Variants in AGK observed in about 807,000 individuals in gnomAD.
The protein encoded by AGK is acylglycerol kinase, mitochondrial.
A neutral mutation model predicts 66.4 loss-of-function variants in AGK; 52 were observed. The observed-to-expected ratio is 0.78, with a 90% CI of 0.63 to 0.99. AGK has a LOEUF of 0.99. AGK is among the 50% of genes least tolerant of loss of function. The pLI is 0.00. For missense variants in AGK, 451 were observed against 506.6 expected, an observed-to-expected ratio of 0.89 and a Z score of 1.05; for synonymous variants, 182 against 181.1, an observed-to-expected ratio of 1.00 and a Z score of -0.04.
chr7:141,642,683 T>A (rs1442783417), intron 13 of AGK, among the ~76,000 whole-genome samples: 1 of 152,190 alleles, frequency 6.6e-6, no homozygotes, highest in Non-Finnish European at 1.5e-5. Flanking sequence ...TAATTTTAAA[T>A]GATGCAAAGA....
Position 141,615,467 on chromosome 7 carries a change from C to T in AGK, c.424-4C>T, listed in dbSNP as rs113085050. On this transcript the variant is annotated splice_polypyrimidine_tract_variant and splice_region_variant and intron_variant, in intron 7 of 15. Coordinates refer to ENST00000649286, the MANE Select transcript of AGK (RefSeq NM_018238.4). ...TAAAACTTTCCTCTTCTTTCCCCCC[C>T]CAGGCTACCTTCAGTAAGATTCCCA... The T allele has an allele frequency of 3.6e-5, 58 of 1,612,594 alleles. No homozygotes were observed. Among genetic ancestry groups the T allele is most frequent in the Admixed American group, 1.3e-4 (8 of 59,982 alleles).
At chr7:141,624,207 G>A (rs982024639) in intron 9 of AGK, among the ~76,000 whole-genome samples, 5 of 151,960 alleles carry the variant, frequency 3.3e-5, no homozygotes, top group African/African-American at 1.2e-4. Context: ...CATGGATCAA[G>A]GAATAATTTC....
chr7:141,644,192 T>C (rs1489781678), intron 13 of AGK, among the ~76,000 whole-genome samples: 1 of 152,188 alleles, frequency 6.6e-6, no homozygotes. Context: ...TAATAATATG[T>C]ATTCCGAGTA....
rs142489126 is a variant in AGK, at chr7:141,599,890, T to C, written c.222-1315T>C. Among the ~76,000 whole-genome samples, 329 of 152,308 alleles carry C rather than the reference T, an allele frequency of 2.2e-3. 3 individuals carry two copies. Among genetic ancestry groups the C allele is most frequent in the African/African-American group, 7.2e-3 (300 of 41,588 alleles). The stretch of plus-strand genomic sequence containing the variant: ...CAGGCCCTTGGTTTGAGATATTCTT[T>C]TGGATGGTTCTTGTGAAAATTTGTG... On this transcript the variant is annotated intron_variant, in intron 4 of 15. Transcript: ENST00000649286.
intron 2 of AGK, among the ~76,000 whole-genome samples, chr7:141,560,415 CT>C (rs1038387274): frequency 2.0e-4 from 30 of 147,238 alleles, no homozygotes; most frequent in African/African-American, 4.5e-4. Context: ...TCTTCTTCTT[CT>C]TTTTTTTTTC....
In AGK at chr7:141,654,447, A is replaced by G. The variant is rs1797640698; in HGVS notation, c.*1523A>G. Reference sequence around the variant, plus strand: ...TTTGGATTCCTTTGGCATTTTGACAAAGATCACAGTGCTCTATCATCAAGA... The same window carrying G: ...TTTGGATTCCTTTGGCATTTTGACAGAGATCACAGTGCTCTATCATCAAGA... On this transcript the variant is annotated 3_prime_UTR_variant, in exon 16 of 16. Coordinates refer to ENST00000649286, the MANE Select transcript of AGK (RefSeq NM_018238.4). The G allele has an allele frequency of 6.6e-6, 1 of 152,210 alleles. No homozygotes were observed. Among genetic ancestry groups the G allele is most frequent in the Non-Finnish European group, 1.5e-5 (1 of 68,032 alleles). 9.4% of individuals were successfully genotyped at this position (152,210 alleles called of 1,614,324 possible).
chr7:141,604,908 G>T (rs1268021111), intron 5 of AGK, among the ~76,000 whole-genome samples: 2 of 151,674 alleles, frequency 1.3e-5, no homozygotes, highest in African/African-American at 2.4e-5. Flanking sequence ...TCCAATCTGG[G>T]ATCACATATT....
rs186493455 is a variant in AGK, at chr7:141,568,383, C to T, written c.101+12816C>T. ...GCTCTTCCCAGCTCTGGTCTGTCTC[C>T]GCATGATTTTGGCTGGTGAGCTTTG... On this transcript the variant is annotated intron_variant, in intron 2 of 15. Coordinates refer to ENST00000649286, the MANE Select transcript of AGK (RefSeq NM_018238.4). Among the ~76,000 whole-genome samples, 342 of 152,230 alleles carry T rather than the reference C, an allele frequency of 2.2e-3. 1 individual carries two copies. The highest frequency in any genetic ancestry group is 7.8e-3 in the African/African-American group (326 of 41,534).
intron 8 of AGK, among the ~76,000 whole-genome samples, chr7:141,616,978 C>T (rs1370036016): frequency 3.9e-5 from 6 of 151,910 alleles, no homozygotes; most frequent in African/African-American, 7.3e-5. Flanking sequence ...AGGATGGTCT[C>T]GATCTCCTGA....
At chr7:141,588,643 T>TA (rs1796043571) in intron 2 of AGK, among the ~76,000 whole-genome samples, 1 of 151,200 alleles carries the variant, frequency 6.6e-6, no homozygotes, top group African/African-American at 2.4e-5. Flanking sequence ...AAGTAAAAGA[T>TA]TAAAAGGTTG....
Position 141,611,279 on chromosome 7 carries a change from C to T in AGK, c.382C>T (p.Leu128=). Residue 128 remains leucine, a synonymous_variant, in exon 6 of 16, where the codon CTG becomes TTG. Coordinates refer to ENST00000649286, the MANE Select transcript of AGK (RefSeq NM_018238.4). ...CATTGTTGCAGGAGGAGATGGGACACTGCAGGAGGTATGACTGTTTTTCTC... is the reference window on the plus strand; with the variant it reads ...CATTGTTGCAGGAGGAGATGGGACATTGCAGGAGGTATGACTGTTTTTCTC... The part of the protein sequence containing the change: ...VIIVAGGDGT[L]QEVVTGVLRR... 6.2e-7 allele frequency: 1 copy of T among 1,610,856 alleles called. No homozygotes were observed. Among genetic ancestry groups the T allele is most frequent in the South Asian group, 1.1e-5 (1 of 90,594 alleles).
At chr7:141,617,835 A>G (rs919327765) in intron 8 of AGK, among the ~76,000 whole-genome samples, 8 of 152,202 alleles carry the variant, frequency 5.3e-5, no homozygotes, top group African/African-American at 1.2e-4. Context: ...CAGAATAAGT[A>G]CAGTGCTTTA....
chr7:141,641,179 T>C, intron 11 of AGK, 69 bp from the exon 12 acceptor site: 1 of 1,460,232 alleles, frequency 6.8e-7, no homozygotes, highest in Admixed American at 2.1e-5. Flanking sequence ...TAAATAACTT[T>C]TGCAGAGAGA....
intron 13 of AGK, among the ~76,000 whole-genome samples, chr7:141,648,000 A>G (rs983339287): frequency 7.2e-5 from 11 of 152,190 alleles, no homozygotes; most frequent in Admixed American, 2.0e-4. Context: ...GTTGACAAAC[A>G]AAAACCAGAG....
At chr7:141,628,752 A>G (rs1394630411) in intron 9 of AGK, among the ~76,000 whole-genome samples, 1 of 152,032 alleles carries the variant, frequency 6.6e-6, no homozygotes, top group Non-Finnish European at 1.5e-5. Context: ...ACTAGAATTT[A>G]GATTTTCTTT....
rs138272269 is a variant in AGK at position 141,635,647 on chromosome 7, C to A, written c.669-1313C>A. On this transcript the variant is annotated intron_variant, in intron 10 of 15. Coordinates refer to ENST00000649286, the MANE Select transcript of AGK (RefSeq NM_018238.4). ...CTAATTATATAATTATGTATCTTTA[C>A]TTCTAAGCTTTTCTCTCTTTCTCTG... 6.4e-4 allele frequency among the ~76,000 whole-genome samples: 98 copies of A among 152,206 alleles called. 2 individuals carry two copies. The East Asian group carries it at 0.019, about 29-fold the overall frequency.
At chr7:141,640,250 A>T (rs977405999) in intron 11 of AGK, among the ~76,000 whole-genome samples, 4 of 152,162 alleles carry the variant, frequency 2.6e-5, no homozygotes, top group African/African-American at 9.7e-5. Flanking sequence ...TGTCCATTGA[A>T]ACAGCTCCTT....
intron 2 of AGK, among the ~76,000 whole-genome samples, chr7:141,557,274 C>T (rs1795229638): frequency 6.6e-6 from 1 of 152,126 alleles, no homozygotes; most frequent in South Asian, 2.1e-4. Context: ...TAAGTGTTGT[C>T]AAGGCCAGGC....
At chr7:141,616,844 C>T (rs537764584) in intron 8 of AGK, among the ~76,000 whole-genome samples, 16 of 151,370 alleles carry the variant, frequency 1.1e-4, no homozygotes, top group Non-Finnish European at 1.9e-4. Context: ...CTGCAAGCTC[C>T]GTCTCCCAGG....
Sources: gnomAD v4.1 joint callset for allele counts (sites outside exome capture counted in the v4.1 genomes callset) on GRCh38, gnomAD v4.1.1 for gene constraint, MANE v1.5 for transcripts, NCBI Gene and HGNC (gene_info 2026-07-23, HGNC 2026-07-21) for gene names.